The following CLTA variants were observed in gnomAD, a reference collection of about 807,000 sequenced individuals.
The protein encoded by CLTA is clathrin light chain A, also known as clathrin, light polypeptide (Lca).
A neutral mutation model predicts 26.9 loss-of-function variants in CLTA; 9 were observed. That is an observed-to-expected ratio of 0.33 (90% CI 0.20 to 0.58). The LOEUF (loss-of-function observed/expected upper bound fraction) is 0.58. CLTA is among the 20% of genes least tolerant of loss of function. The pLI is 0.85. For missense variants in CLTA, 278 were observed against 294.2 expected, an observed-to-expected ratio of 0.94 and a Z score of 0.40; for synonymous variants, 120 against 115.5, an observed-to-expected ratio of 1.04 and a Z score of -0.25.
intron 1 of CLTA, among the ~76,000 whole-genome samples, chr9:36,195,206 T>G (rs779080531): frequency 3.3e-5 from 5 of 152,192 alleles, no homozygotes; most frequent in Non-Finnish European, 7.4e-5. Flanking sequence ...AGAAGAAAAG[T>G]GAGTATTTGT....
At chr9:36,201,227 C>T (rs867013263) in intron 3 of CLTA, among the ~76,000 whole-genome samples, 4 of 152,186 alleles carry the variant, frequency 2.6e-5, no homozygotes, top group Admixed American at 6.5e-5. Context: ...ACAAGGTGTT[C>T]CTTCAATTTC....
At chr9:36,193,016 G>C (rs972429004) in intron 1 of CLTA, among the ~76,000 whole-genome samples, 4 of 152,232 alleles carry the variant, frequency 2.6e-5, no homozygotes, top group African/African-American at 9.6e-5. Context: ...AAAAATGTCA[G>C]ATCCAAGGGT....
At chr9:36,196,548 C>G (rs983375360) in intron 1 of CLTA, among the ~76,000 whole-genome samples, 4 of 151,648 alleles carry the variant, frequency 2.6e-5, no homozygotes, top group African/African-American at 9.7e-5. Flanking sequence ...TGGGTTTCAC[C>G]ATGTTGGCCA....
intron 3 of CLTA, among the ~76,000 whole-genome samples, chr9:36,200,692 T>C (rs1364581935): frequency 6.6e-6 from 1 of 152,228 alleles, no homozygotes; most frequent in African/African-American, 2.4e-5. Context: ...GGTGGAAATA[T>C]TCTGTATCTG....
At chr9:36,191,817 A>C (rs962397644) in intron 1 of CLTA, among the ~76,000 whole-genome samples, 1 of 152,210 alleles carries the variant, frequency 6.6e-6, no homozygotes, top group Non-Finnish European at 1.5e-5. Context: ...TCGAAAGATG[A>C]TCTAGGTCTG....
Position 36,209,661 on chromosome 9 carries a change from G to A in CLTA, c.486-1942G>A, listed in dbSNP as rs560844970. On this transcript the variant is annotated intron_variant, in intron 4 of 4. Transcript: ENST00000345519. ...TCTTGGCTGCCATCACTGCTGCCATGCCCTGTTGCCTGCCTGCCTCAGGTG... is the reference window on the plus strand; with the variant it reads ...TCTTGGCTGCCATCACTGCTGCCATACCCTGTTGCCTGCCTGCCTCAGGTG... 2.1e-3 allele frequency among the ~76,000 whole-genome samples: 317 copies of A among 152,242 alleles called. 1 individual carries two copies. The highest frequency in any genetic ancestry group is 6.9e-3 in the African/African-American group (288 of 41,540).
At chr9:36,192,117 AAG>A (rs1563904195) in intron 1 of CLTA, among the ~76,000 whole-genome samples, 1 of 152,326 alleles carries the variant, frequency 6.6e-6, no homozygotes, top group Non-Finnish European at 1.5e-5. Context: ...TAATAATACA[AAG>A]AAGTAGGAAA....
At chr9:36,210,106 C>CT (rs1396808439) in intron 4 of CLTA, among the ~76,000 whole-genome samples, 2 of 95,104 alleles carry the variant, frequency 2.1e-5, no homozygotes, top group South Asian at 4.1e-4. Flanking sequence ...TTCTTTTTTT[C>CT]TTTTTTCTTT....
intron 1 of CLTA, among the ~76,000 whole-genome samples, chr9:36,193,391 T>A (rs59715969): frequency 0.094 from 14,333 of 151,996 alleles, 917 homozygotes; most frequent in South Asian, 0.18. Flanking sequence ...AGTGTGAGTT[T>A]AGCTTTGTGA....
intron 4 of CLTA, among the ~76,000 whole-genome samples, chr9:36,207,211 A>G (rs1170952016): frequency 6.6e-6 from 1 of 152,100 alleles, no homozygotes; most frequent in African/African-American, 2.4e-5. Flanking sequence ...CTTTTATCCC[A>G]AGTTGAGGCC....
Position 36,205,909 on chromosome 9 carries a change from G to A in CLTA, c.485+1730G>A, listed in dbSNP as rs905903719. Among the ~76,000 whole-genome samples, 35 of 151,780 alleles carry A rather than the reference G, an allele frequency of 2.3e-4. 1 individual carries two copies. Among genetic ancestry groups the A allele is most frequent in the Non-Finnish European group, 5.0e-4 (34 of 67,944 alleles). On this transcript the variant is annotated intron_variant, in intron 4 of 4. Transcript: ENST00000345519. ...CGAGTAGCTGGGACTACAGGTGCCCGCCACCATGCCCAGCTAATTTTTTTC... is the reference window on the plus strand; with the variant it reads ...CGAGTAGCTGGGACTACAGGTGCCCACCACCATGCCCAGCTAATTTTTTTC...
intron 4 of CLTA, among the ~76,000 whole-genome samples, chr9:36,207,403 A>G (rs979421238): frequency 1.8e-4 from 28 of 152,252 alleles, no homozygotes; most frequent in African/African-American, 5.8e-4. Context: ...AGCTCTTTCA[A>G]GGCTTGAGAA....
chr9:36,199,819 A>G (rs1827298487), intron 3 of CLTA, among the ~76,000 whole-genome samples: 2 of 152,226 alleles, frequency 1.3e-5, no homozygotes, highest in South Asian at 2.1e-4. Context: ...ATGTTAGGAA[A>G]AAATGTACAA....
At chr9:36,198,207 A>G (rs931785321) in intron 2 of CLTA, among the ~76,000 whole-genome samples, 24 of 151,674 alleles carry the variant, frequency 1.6e-4, no homozygotes, top group African/African-American at 5.3e-4. Context: ...CATGTTGGCC[A>G]GGCAGGTCTT....
At chr9:36,198,947 A>G in intron 2 of CLTA, 32 bp from the exon 3 acceptor site, 1 of 1,451,726 alleles carries the variant, frequency 6.9e-7, no homozygotes, top group Admixed American at 1.7e-5. Flanking sequence ...AATTTTTGGT[A>G]TTAATATAGC....
chr9:36,190,935 TC>T lies in CLTA; in HGVS notation c.-119del. 1.4e-6 allele frequency: 2 copies of T among 1,415,980 alleles called. No individual in the cohort carries two copies. Among genetic ancestry groups the T allele is most frequent in the Non-Finnish European group, 1.8e-6 (2 of 1,091,028 alleles). The allele number at this position is 1,415,980 out of a possible 1,614,324, so 87.7% of individuals were successfully genotyped here. A position where few individuals can be genotyped will look rare whatever the true frequency, so the allele number is the denominator to read the frequency against. Reference sequence around the variant, plus strand: ...GGGTAGGGCTTCCGCTTTACCCGTCTCCCTCCTGGCGCTTGTCCTCCTCTCC... The same window carrying T: ...GGGTAGGGCTTCCGCTTTACCCGTCTCCTCCTGGCGCTTGTCCTCCTCTCC... On this transcript the variant is annotated 5_prime_UTR_variant, in exon 1 of 5. Coordinates refer to ENST00000345519, the MANE Select transcript of CLTA (RefSeq NM_001833.4).
At chr9:36,192,946 C>T (rs1258101497) in intron 1 of CLTA, among the ~76,000 whole-genome samples, 1 of 152,228 alleles carries the variant, frequency 6.6e-6, no homozygotes, top group Admixed American at 6.5e-5. Flanking sequence ...TGTTTTATCT[C>T]CACTGCCTAG....
At chr9:36,209,203 G>C (rs1180538969) in intron 4 of CLTA, 1 of 1,603,856 alleles carries the variant, frequency 6.2e-7, no homozygotes, top group Non-Finnish European at 8.5e-7. Flanking sequence ...AGATGTTTCT[G>C]CTTCTCAATG....
At chr9:36,196,855 A>G (rs1827077713) in intron 1 of CLTA, among the ~76,000 whole-genome samples, 1 of 152,190 alleles carries the variant, frequency 6.6e-6, no homozygotes, top group Non-Finnish European at 1.5e-5. Flanking sequence ...GACATATAGG[A>G]GTAAAAGTCA....
Sources: allele counts gnomAD v4.1 joint callset (sites outside exome capture counted in the v4.1 genomes callset), GRCh38; gene constraint gnomAD v4.1.1; transcripts MANE v1.5; gene names NCBI Gene and HGNC (gene_info 2026-07-23, HGNC 2026-07-21).